TLL1: variants seen among roughly 807,000 people sequenced by gnomAD.
TLL1 encodes the protein tolloid like 1.
A neutral mutation model predicts 128.2 loss-of-function variants in TLL1; 49 were observed. The observed-to-expected ratio is 0.38, with a 90% CI of 0.30 to 0.48. The LOEUF is 0.48. Ranked by LOEUF, TLL1 falls within the 20% of genes least tolerant of loss-of-function variation. The probability of loss-of-function intolerance (pLI) is 0.96; values close to 1 mark genes in which losing one functional copy is unlikely to be tolerated. For missense variants in TLL1, 1,123 were observed against 1,242.0 expected (o/e 0.90, Z 1.44); for synonymous variants, 454 against 418.8 (o/e 1.08, Z -1.03).
Position 166,004,478 on chromosome 4 carries a change from G to T in TLL1, c.811+909G>T, listed in dbSNP as rs114755395. On this transcript the variant is annotated intron_variant, in intron 6 of 20. Coordinates refer to ENST00000061240, the MANE Select transcript of TLL1 (RefSeq NM_012464.5). Reference sequence around the variant, plus strand: ...AAATACAAAGTTTAGTGTGGGATATGTGCATATATATAAATGATTGCAAGT... The same window carrying T: ...AAATACAAAGTTTAGTGTGGGATATTTGCATATATATAAATGATTGCAAGT... Among the ~76,000 whole-genome samples the T allele has an allele frequency of 9.5e-3, 1,441 of 152,148 alleles. 29 individuals are homozygous for T. The highest frequency in any genetic ancestry group is 0.033 in the African/African-American group (1,363 of 41,502).
At chr4:166,090,224 G>A (rs186297508) in intron 18 of TLL1, among the ~76,000 whole-genome samples, 19 of 151,884 alleles carry the variant, frequency 1.3e-4, no homozygotes, top group South Asian at 2.1e-4. Flanking sequence ...TAGGAATGGC[G>A]GCTTTATTTC....
At position 165,989,493 on chromosome 4, in the gene TLL1, T is replaced by C. The variant is rs1173972653; in HGVS notation, c.280+2T>C. On this transcript the variant is annotated splice_donor_variant, in intron 2 of 20. Coordinates refer to ENST00000061240, the MANE Select transcript of TLL1 (RefSeq NM_012464.5). LOFTEE classifies it high-confidence loss of function. ...TTGGAAACCTTGGACATACCACAGG[T>C]ATGGTTGATTGTTTCAGAAAATTTG... is the stretch of plus-strand genomic sequence containing the variant. 6.2e-7 allele frequency: 1 copy of C among 1,602,046 alleles called. No homozygotes were observed. The highest frequency in any genetic ancestry group is 1.1e-5 in the South Asian group (1 of 90,850).
intron 1 of TLL1, among the ~76,000 whole-genome samples, chr4:165,904,401 G>A (rs1430665308): frequency 6.6e-6 from 1 of 151,998 alleles, no homozygotes; most frequent in Non-Finnish European, 1.5e-5. Flanking sequence ...TAGCTCTCTT[G>A]GCATTTGTTC....
intron 1 of TLL1, among the ~76,000 whole-genome samples, chr4:165,959,108 A>C (rs1386666454): frequency 1.3e-5 from 2 of 151,432 alleles, no homozygotes; most frequent in Admixed American, 1.3e-4. Context: ...TGTTTTGGTT[A>C]CTGTAGCCTT....
chr4:165,995,774 G>T (rs1427734885), intron 5 of TLL1, among the ~76,000 whole-genome samples: 1 of 151,948 alleles, frequency 6.6e-6, no homozygotes. Flanking sequence ...GGCTATCCTT[G>T]TATCTTTCTG....
At chr4:165,963,231 C>T (rs1008433701) in intron 1 of TLL1, among the ~76,000 whole-genome samples, 4 of 151,786 alleles carry the variant, frequency 2.6e-5, no homozygotes, top group African/African-American at 7.3e-5. Flanking sequence ...GCCAAATGCC[C>T]GGGAGTTCTG....
chr4:165,936,416 T>G (rs1733767339), intron 1 of TLL1, among the ~76,000 whole-genome samples: 1 of 151,138 alleles, frequency 6.6e-6, no homozygotes, highest in African/African-American at 2.4e-5. Context: ...TTCGCCATGT[T>G]GGCCAGGCTG....
intron 1 of TLL1, among the ~76,000 whole-genome samples, chr4:165,980,193 T>A (rs2110994730): frequency 6.7e-6 from 1 of 149,914 alleles, no homozygotes; most frequent in East Asian, 1.9e-4. Context: ...GCAGACACTC[T>A]GAGTGTCCAG....
intron 5 of TLL1, among the ~76,000 whole-genome samples, chr4:165,999,658 A>G (rs150311211): frequency 0.016 from 2,393 of 151,546 alleles, 64 homozygotes; most frequent in African/African-American, 0.055. Context: ...TTTTTTTGTA[A>G]AAATGAGGTT....
At chr4:165,937,062 A>C (rs1733797798) in intron 1 of TLL1, among the ~76,000 whole-genome samples, 2 of 152,202 alleles carry the variant, frequency 1.3e-5, no homozygotes, top group South Asian at 4.1e-4. Flanking sequence ...TTTTTGTTGC[A>C]ATTATCCAAT....
chr4:165,873,863 A>C lies in TLL1; in HGVS notation c.-42A>C. 1.2e-6 allele frequency: 2 copies of C among 1,611,260 alleles called. No homozygotes were observed. The highest frequency in any genetic ancestry group is 1.7e-6 in the Non-Finnish European group (2 of 1,179,238). ...CATCAGCGCGGACCGCGGCTGCCTA[A>C]CCTCTGGGTCCCGTCCCCTCCTTTT... is the stretch of plus-strand genomic sequence containing the variant. On this transcript the variant is annotated 5_prime_UTR_variant, in exon 1 of 21. Coordinates refer to ENST00000061240, the MANE Select transcript of TLL1 (RefSeq NM_012464.5).
chr4:165,997,016 C>T lies in TLL1; in HGVS notation c.632+1838C>T, dbSNP rs1211216992. On this transcript the variant is annotated intron_variant, in intron 5 of 20. Coordinates refer to ENST00000061240, the MANE Select transcript of TLL1 (RefSeq NM_012464.5). Reference sequence around the variant, plus strand: ...CTCATTTTACAGTTCAAACTTTTCTCTGTGTTGTGTTTTTGGTGCTAGGAA... The same window carrying T: ...CTCATTTTACAGTTCAAACTTTTCTTTGTGTTGTGTTTTTGGTGCTAGGAA... Among the ~76,000 whole-genome samples the T allele has an allele frequency of 4.6e-5, 7 of 151,882 alleles. 1 individual carries two copies. The South Asian group carries it at 1.5e-3, about 31-fold the overall frequency.
intron 7 of TLL1, among the ~76,000 whole-genome samples, chr4:166,008,499 C>T (rs1737540341): frequency 6.6e-6 from 1 of 151,394 alleles, no homozygotes; most frequent in African/African-American, 2.4e-5. Context: ...TTCTACTGCT[C>T]AAGTACAACT....
intron 8 of TLL1, among the ~76,000 whole-genome samples, chr4:166,019,304 A>G (rs760482313): frequency 6.6e-6 from 1 of 152,136 alleles, no homozygotes; most frequent in Non-Finnish European, 1.5e-5. Flanking sequence ...GGACTACTAG[A>G]GGGGAGAGGG....
Position 165,949,781 on chromosome 4 carries a change from C to T in TLL1, c.170-39600C>T, listed in dbSNP as rs116777512. ...CTGCCATGATTCCATTATCTCCCAC[C>T]GGGTCCCTCCCACAATATGTGGGAA... On this transcript the variant is annotated intron_variant, in intron 1 of 20. Coordinates refer to ENST00000061240, the MANE Select transcript of TLL1 (RefSeq NM_012464.5). 1.3e-3 allele frequency among the ~76,000 whole-genome samples: 205 copies of T among 151,980 alleles called. 1 individual carries two copies. The highest frequency in any genetic ancestry group is 6.8e-3 in the Middle Eastern group (2 of 294).
chr4:165,959,965 A>G (rs1561056156), intron 1 of TLL1, among the ~76,000 whole-genome samples: 1 of 152,144 alleles, frequency 6.6e-6, no homozygotes. Context: ...CCGAAAGGTA[A>G]CAGAAGAAAA....
chr4:166,003,621 T>C, intron 6 of TLL1, 52 bp downstream of exon 6: 4 of 1,570,442 alleles, frequency 2.5e-6, no homozygotes, highest in Non-Finnish European at 3.5e-6. Flanking sequence ...ATCTTTGAAT[T>C]GTATTTATGC....
At chr4:165,929,454 GC>G (rs2110902467) in intron 1 of TLL1, among the ~76,000 whole-genome samples, 1 of 151,656 alleles carries the variant, frequency 6.6e-6, no homozygotes, top group Non-Finnish European at 1.5e-5. Flanking sequence ...CAGGAGAACC[GC>G]TTGACCCCAG....
At chr4:165,924,155 T>C (rs1389042999) in intron 1 of TLL1, among the ~76,000 whole-genome samples, 1 of 152,196 alleles carries the variant, frequency 6.6e-6, no homozygotes, top group African/African-American at 2.4e-5. Context: ...GTGGCCTCTA[T>C]ATTTTCAAGT....
Sources: gnomAD v4.1 joint callset for allele counts (sites outside exome capture counted in the v4.1 genomes callset) on GRCh38, gnomAD v4.1.1 for gene constraint, MANE v1.5 for transcripts, NCBI Gene and HGNC (gene_info 2026-07-23, HGNC 2026-07-21) for gene names.